Variants in TDRD3 observed in about 807,000 individuals in gnomAD.
The protein encoded by TDRD3 is tudor domain containing 3, also known as tudor domain-containing protein 3.
TDRD3 carries 45 observed loss-of-function variants against 86.7 expected under a neutral mutation model. The observed-to-expected ratio is 0.52, with a 90% CI of 0.41 to 0.67. The LOEUF is 0.67. Among genes scored for constraint, TDRD3 ranks in the 30% least tolerant of loss-of-function variants. The pLI, the probability that TDRD3 is intolerant of heterozygous loss-of-function variation, is 0.00. For missense variants in TDRD3, 814 were observed against 889.0 expected (o/e 0.92, Z 1.07); for synonymous variants, 298 against 301.7 (o/e 0.99, Z 0.13).
rs1958639828 is a variant in TDRD3 at position 60,573,703 on chromosome 13, C to G, written c.*97C>G. On this transcript the variant is annotated 3_prime_UTR_variant, in exon 14 of 14. Coordinates refer to ENST00000377881, the MANE Select transcript of TDRD3 (RefSeq NM_001146070.2). ...TCCACTTTCTCTTCAGAATAAGTAG[C>G]TGTGGTGGATATTATTATTTGAAGA... The G allele has an allele frequency of 1.1e-6, 1 of 940,290 alleles. No individual in the cohort carries two copies. Among genetic ancestry groups the G allele is most frequent in the Non-Finnish European group, 1.3e-6 (1 of 788,774 alleles). 58.2% of individuals were successfully genotyped at this position (940,290 alleles called of 1,614,324 possible). A position where few individuals can be genotyped will look rare whatever the true frequency, so the allele number is the denominator to read the frequency against.
At chr13:60,572,366 C>A (rs2138019685) in intron 13 of TDRD3, among the ~76,000 whole-genome samples, 2 of 152,246 alleles carry the variant, frequency 1.3e-5, no homozygotes, top group South Asian at 4.1e-4. Flanking sequence ...CTGTCATGAA[C>A]TTTTGATTAA....
At chr13:60,446,374 A>G (rs1249342154) in intron 3 of TDRD3, among the ~76,000 whole-genome samples, 2 of 151,864 alleles carry the variant, frequency 1.3e-5, no homozygotes, top group African/African-American at 4.8e-5. Flanking sequence ...AGACAGGTGC[A>G]TGCCACCACG....
At chr13:60,520,929 C>T (rs887117118) in intron 10 of TDRD3, among the ~76,000 whole-genome samples, 3 of 152,136 alleles carry the variant, frequency 2.0e-5, no homozygotes, top group Non-Finnish European at 2.9e-5. Context: ...CAAATTGAAT[C>T]GTTACCATAA....
intron 11 of TDRD3, among the ~76,000 whole-genome samples, chr13:60,533,531 C>T (rs1957630348): frequency 6.6e-6 from 1 of 151,962 alleles, no homozygotes. Flanking sequence ...ATCCCAGCTA[C>T]TCGGGAGCCT....
intron 10 of TDRD3, among the ~76,000 whole-genome samples, chr13:60,514,734 G>A (rs1267552139): frequency 6.6e-6 from 1 of 152,148 alleles, no homozygotes; most frequent in East Asian, 1.9e-4. Flanking sequence ...CAGATCACAA[G>A]GATTTTGTCC....
chr13:60,509,177 A>G (rs1044028842), intron 8 of TDRD3, among the ~76,000 whole-genome samples: 6 of 152,092 alleles, frequency 3.9e-5, no homozygotes, highest in Non-Finnish European at 7.4e-5. Flanking sequence ...CTTGAATTCT[A>G]TTCAGGTCTA....
intron 11 of TDRD3, among the ~76,000 whole-genome samples, chr13:60,533,963 A>G: frequency 6.6e-6 from 1 of 152,220 alleles, no homozygotes; most frequent in East Asian, 1.9e-4. Context: ...CTGTACTGAA[A>G]GATTACTGCA....
intron 7 of TDRD3, 106 bp downstream of exon 7, chr13:60,486,054 G>A (rs1002515606): frequency 2.1e-5 from 24 of 1,168,164 alleles, no homozygotes; most frequent in East Asian, 2.9e-5. Flanking sequence ...TTCAACAAAC[G>A]CTTAACCTTA....
At chr13:60,469,108 A>G (rs1186312009) in intron 5 of TDRD3, among the ~76,000 whole-genome samples, 1 of 152,132 alleles carries the variant, frequency 6.6e-6, no homozygotes, top group African/African-American at 2.4e-5. Flanking sequence ...TTGCTGTACT[A>G]TGCAATATAA....
intron 7 of TDRD3, among the ~76,000 whole-genome samples, chr13:60,493,198 G>A (rs1388957329): frequency 6.6e-6 from 1 of 151,726 alleles, no homozygotes; most frequent in Non-Finnish European, 1.5e-5. Context: ...GATTACAGGC[G>A]TGAGCCACCG....
chr13:60,475,060 A>T (rs543277770), intron 5 of TDRD3, among the ~76,000 whole-genome samples: 2 of 150,640 alleles, frequency 1.3e-5, no homozygotes, highest in African/African-American at 4.9e-5. Context: ...TTCTTTATCT[A>T]CTTTTAAGTC....
intron 9 of TDRD3, 26 bp downstream of exon 9, chr13:60,509,945 G>C: frequency 6.2e-7 from 1 of 1,604,030 alleles, no homozygotes; most frequent in Non-Finnish European, 8.5e-7. Flanking sequence ...CAGTGTGCCA[G>C]ATAGTATTGT....
At chr13:60,538,533 ATTGTAGGATT>A (rs1228436016) in intron 12 of TDRD3, among the ~76,000 whole-genome samples, 3 of 152,142 alleles carry the variant, frequency 2.0e-5, no homozygotes, top group African/African-American at 7.2e-5. Context: ...TTCTTTGAAC[ATTGTAGGATT>A]TTTCTTATTT....
intron 5 of TDRD3, among the ~76,000 whole-genome samples, chr13:60,475,470 C>G (rs1330530305): frequency 1.1e-4 from 17 of 152,080 alleles, no homozygotes; most frequent in Admixed American, 1.1e-3. Context: ...GTATATCTAC[C>G]ACATTTTCTT....
rs187831604 is a variant in TDRD3, at chr13:60,425,899, G to A, written c.42-13789G>A. On this transcript the variant is annotated intron_variant, in intron 1 of 13. Coordinates refer to ENST00000377881, the MANE Select transcript of TDRD3 (RefSeq NM_001146070.2). Reference sequence around the variant, plus strand: ...ATTTTCTTTTTATTGTAGGAATATAGTACATTATACATATACAAAATATGT... The same window carrying A: ...ATTTTCTTTTTATTGTAGGAATATAATACATTATACATATACAAAATATGT... Among the ~76,000 whole-genome samples, 519 of 152,172 alleles carry A rather than the reference G, an allele frequency of 3.4e-3. 7 individuals carry two copies. Among genetic ancestry groups the A allele is most frequent in the Middle Eastern group, 0.017 (5 of 294 alleles).
At chr13:60,465,645 G>GAAGC (rs900488111) in intron 4 of TDRD3, among the ~76,000 whole-genome samples, 1 of 152,022 alleles carries the variant, frequency 6.6e-6, no homozygotes, top group Admixed American at 6.6e-5. Flanking sequence ...TGGGCTCTTT[G>GAAGC]AAGCTTTAAA....
intron 1 of TDRD3, among the ~76,000 whole-genome samples, chr13:60,426,669 A>T (rs1337445077): frequency 6.6e-6 from 1 of 152,224 alleles, no homozygotes; most frequent in Non-Finnish European, 1.5e-5. Flanking sequence ...GCTTAAGCAG[A>T]CCAATGTTAT....
chr13:60,537,907 AAC>A (rs1301549688), intron 12 of TDRD3: 2 of 151,996 alleles, frequency 1.3e-5, no homozygotes, highest in African/African-American at 2.4e-5. Flanking sequence ...TTTGCAGAAA[AAC>A]AGTCAAAAAA....
intron 1 of TDRD3, among the ~76,000 whole-genome samples, chr13:60,412,278 G>C (rs1356027811): frequency 1.3e-5 from 2 of 152,120 alleles, no homozygotes; most frequent in Non-Finnish European, 2.9e-5. Context: ...ATATTGTTCA[G>C]CTTACGGTAA....
Sources: allele counts gnomAD v4.1 joint callset (sites outside exome capture counted in the v4.1 genomes callset), GRCh38; gene constraint gnomAD v4.1.1; transcripts MANE v1.5; gene names NCBI Gene and HGNC (gene_info 2026-07-23, HGNC 2026-07-21).